MFAP3L: variants seen among roughly 807,000 people sequenced by gnomAD.
The protein encoded by MFAP3L is microfibrillar-associated protein 3-like.
MFAP3L carries 5 observed loss-of-function variants against 20.0 expected under a neutral mutation model. The observed-to-expected ratio is 0.25, with a 90% CI of 0.13 to 0.53. The LOEUF is 0.53. Among genes scored for constraint, MFAP3L ranks in the 20% least tolerant of loss-of-function variants. The pLI, the probability that MFAP3L is intolerant of heterozygous loss-of-function variation, is 0.96. For synonymous variants in MFAP3L, 219 were observed against 213.0 expected (o/e 1.03, Z -0.25); for missense variants, 409 against 527.5 (o/e 0.78, Z 2.20).
rs2466994 is a variant in MFAP3L, at chr4:170,019,325, T to C, written c.-134+6909A>G. 8.0e-3 allele frequency among the ~76,000 whole-genome samples: 1,221 copies of C among 152,272 alleles called. 18 individuals are homozygous for C. Among genetic ancestry groups the C allele is most frequent in the African/African-American group, 0.028 (1,157 of 41,546 alleles). On this transcript the variant is annotated intron_variant, in intron 1 of 2. Coordinates refer to ENST00000361618, the MANE Select transcript of MFAP3L (RefSeq NM_021647.8). ...CACTTTGGGAGGCAGAGTCTGGAGA[T>C]AGCTTGAGGCCAGGAGTTTGAGACC...
chr4:169,996,113 A>G (rs1738144667), intron 2 of MFAP3L, among the ~76,000 whole-genome samples: 1 of 150,278 alleles, frequency 6.7e-6, no homozygotes, highest in Non-Finnish European at 1.5e-5. Flanking sequence ...ATGCTCACAC[A>G]CGCTGCAGGA....
chr4:170,024,515 A>C (rs565222109), intron 1 of MFAP3L, among the ~76,000 whole-genome samples: 38 of 152,314 alleles, frequency 2.5e-4, no homozygotes, highest in African/African-American at 7.2e-4. Context: ...TTTAAACTTG[A>C]TGCATTTTTA....
chr4:170,010,808 C>CT (rs1554000961), intron 1 of MFAP3L, among the ~76,000 whole-genome samples: 4 of 150,318 alleles, frequency 2.7e-5, no homozygotes, highest in Non-Finnish European at 5.9e-5. Context: ...CACTGCATTG[C>CT]GGGGGGGTGG....
intron 1 of MFAP3L, among the ~76,000 whole-genome samples, chr4:170,020,087 C>T (rs1739933285): frequency 6.6e-6 from 1 of 152,108 alleles, no homozygotes; most frequent in Admixed American, 6.5e-5. Context: ...CTTTGCAGCT[C>T]CTCCCTGGCC....
chr4:170,004,695 A>T (rs979027918), intron 2 of MFAP3L, among the ~76,000 whole-genome samples: 2 of 152,200 alleles, frequency 1.3e-5, no homozygotes, highest in East Asian at 1.9e-4. Context: ...CCTGGAGCAG[A>T]AACTCTTTTG....
intron 2 of MFAP3L, chr4:169,993,524 TG>T (rs2110920831): frequency 1.3e-5 from 2 of 152,316 alleles, no homozygotes; most frequent in Non-Finnish European, 2.9e-5. Flanking sequence ...AACTCTTTTT[TG>T]TTGTTTTTTG....
chr4:169,995,451 C>A (rs895227903), intron 2 of MFAP3L, among the ~76,000 whole-genome samples: 1 of 152,184 alleles, frequency 6.6e-6, no homozygotes, highest in Non-Finnish European at 1.5e-5. Flanking sequence ...TCTACTGCCA[C>A]GTACAGCTCT....
chr4:169,991,452 CT>C lies in MFAP3L; in HGVS notation c.1155del (p.Ala386LeufsTer10). ...PVEVPDKVLP[P>X]AYLEATEPAV... ...GCTGGCTCTGTGGCTTCCAGGTAAG[CT>C]GGCGGCAGTACCTTATCTGGTACCT... is the stretch of plus-strand genomic sequence containing the variant. On this transcript the variant is annotated frameshift_variant, in exon 3 of 3. Transcript: ENST00000361618. LOFTEE classifies it high-confidence loss of function. The surrounding 1 kb of genome is among the most constrained non-coding windows in gnomAD (Gnocchi z 4.9). The C allele has an allele frequency of 6.2e-7, 1 of 1,614,110 alleles. No homozygotes were observed. The highest frequency in any genetic ancestry group is 8.5e-7 in the Non-Finnish European group (1 of 1,180,038).
At chr4:170,026,208 C>G in intron 1 of MFAP3L, 26 bp downstream of exon 1, 2 of 984,234 alleles carry the variant, frequency 2.0e-6, no homozygotes, top group Non-Finnish European at 2.4e-6. Context: ...CCCCTCCGCC[C>G]CGGCCCGCCG....
intron 2 of MFAP3L, among the ~76,000 whole-genome samples, chr4:170,002,792 G>A (rs191901762): frequency 6.6e-5 from 10 of 151,810 alleles, no homozygotes; most frequent in Non-Finnish European, 1.0e-4. Context: ...ACAGGCATGA[G>A]CCACGCGCTT....
In MFAP3L at chr4:169,992,854, T is replaced by A. The variant is rs1581445979; in HGVS notation, c.299-545A>T. On this transcript the variant is annotated intron_variant, in intron 2 of 2. Coordinates refer to ENST00000361618, the MANE Select transcript of MFAP3L (RefSeq NM_021647.8). This position sits in a 1 kb window ranked among gnomAD's most constrained non-coding sequence, Gnocchi z 4.3. The stretch of plus-strand genomic sequence containing the variant: ...TTTCTCAAATTTAAGATTGAAGTAA[T>A]CCTTGTATGATCTCAGTTAATTAAA... Among the ~76,000 whole-genome samples, 1 of 152,234 alleles carries A rather than the reference T, an allele frequency of 6.6e-6. No homozygotes were observed. Among genetic ancestry groups the A allele is most frequent in the Non-Finnish European group, 1.5e-5 (1 of 68,038 alleles).
chr4:170,020,309 A>C (rs1739946820), intron 1 of MFAP3L, among the ~76,000 whole-genome samples: 1 of 152,080 alleles, frequency 6.6e-6, no homozygotes, highest in East Asian at 1.9e-4. Context: ...TGCCCTGAGA[A>C]ACATATCAAT....
At chr4:170,005,119 C>T (rs1738945315) in intron 2 of MFAP3L, 1 of 159,822 alleles carries the variant, frequency 6.3e-6, no homozygotes, top group Admixed American at 6.2e-5. Flanking sequence ...GAATCCCAGC[C>T]AGTGGCTGAG....
chr4:170,003,245 G>T (rs1041345566), intron 2 of MFAP3L, among the ~76,000 whole-genome samples: 3 of 152,142 alleles, frequency 2.0e-5, no homozygotes, highest in African/African-American at 7.2e-5. Flanking sequence ...TATCAGCAAG[G>T]CTGCTGGCTA....
intron 1 of MFAP3L, among the ~76,000 whole-genome samples, chr4:170,014,698 G>A (rs1019001800): frequency 2.0e-5 from 3 of 152,116 alleles, no homozygotes; most frequent in African/African-American, 4.8e-5. Flanking sequence ...TGCTAATTCT[G>A]GATCGTTTGC....
intron 1 of MFAP3L, among the ~76,000 whole-genome samples, chr4:170,016,555 G>T (rs1455758902): frequency 6.6e-6 from 1 of 152,120 alleles, no homozygotes; most frequent in Non-Finnish European, 1.5e-5. Context: ...TAACTACTAC[G>T]TGTTTACATA....
chr4:169,993,103 T>C (rs770461261), intron 2 of MFAP3L, among the ~76,000 whole-genome samples: 20 of 152,190 alleles, frequency 1.3e-4, no homozygotes, highest in Non-Finnish European at 2.2e-4. Context: ...CCACCCTCTC[T>C]GGAAAGGATC....
At position 170,001,780 on chromosome 4, in the gene MFAP3L, T is replaced by C. The variant is rs181301502; in HGVS notation, c.298+3800A>G. Among the ~76,000 whole-genome samples, 289 of 152,328 alleles carry C rather than the reference T, an allele frequency of 1.9e-3. 1 individual carries two copies. Among genetic ancestry groups the C allele is most frequent in the African/African-American group, 6.5e-3 (269 of 41,570 alleles). On this transcript the variant is annotated intron_variant, in intron 2 of 2. Transcript: ENST00000361618. ...GTGTGGACTACCTCAAACAGGTTCT[T>C]TGCTGAACTACAAAAACAAAAGTCT...
At chr4:170,020,208 G>A (rs922245253) in intron 1 of MFAP3L, among the ~76,000 whole-genome samples, 2 of 152,154 alleles carry the variant, frequency 1.3e-5, no homozygotes, top group South Asian at 4.1e-4. Flanking sequence ...CACTATCCTC[G>A]AGACAGGTGG....
Sources: allele counts gnomAD v4.1 joint callset (sites outside exome capture counted in the v4.1 genomes callset), GRCh38; gene constraint gnomAD v4.1.1; non-coding constraint Gnocchi (gnomAD v3.1); transcripts MANE v1.5; gene names NCBI Gene and HGNC (gene_info 2026-07-23, HGNC 2026-07-21).